The following CTDSPL2 variants were observed in gnomAD, a reference collection of about 807,000 sequenced individuals.
CTDSPL2 encodes CTD small phosphatase-like protein 2.
A neutral mutation model predicts 60.0 loss-of-function variants in CTDSPL2; 5 were observed. The observed-to-expected ratio is 0.08, with a 90% confidence interval of 0.04 to 0.18. CTDSPL2 has a LOEUF of 0.18. Among genes scored for constraint, CTDSPL2 ranks in the 10% least tolerant of loss-of-function variants. The pLI is 1.00. For missense variants in CTDSPL2, 370 were observed against 548.8 expected (o/e 0.67, Z 3.26); for synonymous variants, 186 against 189.3 (o/e 0.98, Z 0.14).
chr15:44,486,761 T>TG, intron 4 of CTDSPL2, 61 bp downstream of exon 4: 9 of 1,111,074 alleles, frequency 8.1e-6, no homozygotes, highest in Admixed American at 2.8e-5. Flanking sequence ...AGTTTGGGTT[T>TG]TTTTTTTTTT....
chr15:44,490,073 T>G (rs572999397), intron 4 of CTDSPL2, among the ~76,000 whole-genome samples: 1 of 152,326 alleles, frequency 6.6e-6, no homozygotes, highest in South Asian at 2.1e-4. Flanking sequence ...TTTTTTTTGT[T>G]ATTTTTGTTT....
chr15:44,441,619 G>T (rs1170280935), intron 1 of CTDSPL2, among the ~76,000 whole-genome samples: 4 of 152,084 alleles, frequency 2.6e-5, no homozygotes, highest in African/African-American at 9.7e-5. Flanking sequence ...TCTACCTCAG[G>T]TGAGCCCGTG....
chr15:44,520,083 C>T (rs2081735896), intron 11 of CTDSPL2: 1 of 151,444 alleles, frequency 6.6e-6, no homozygotes, highest in South Asian at 2.1e-4. Flanking sequence ...GATGAGTCAT[C>T]CTTTCAAGGT....
At chr15:44,467,963 T>A (rs571894816) in intron 2 of CTDSPL2, among the ~76,000 whole-genome samples, 276 of 152,300 alleles carry the variant, frequency 1.8e-3, no homozygotes, top group Middle Eastern at 3.4e-3. Flanking sequence ...GATTTTTTTT[T>A]AAGAATTTTT....
At chr15:44,461,570 TC>T (rs1241512306) in intron 2 of CTDSPL2, among the ~76,000 whole-genome samples, 4 of 138,782 alleles carry the variant, frequency 2.9e-5, no homozygotes, top group Non-Finnish European at 4.7e-5. Context: ...AAAGTTTCTC[TC>T]CCTTTTTTTT....
chr15:44,442,929 A>G (rs1227803057), intron 1 of CTDSPL2, among the ~76,000 whole-genome samples: 1 of 152,002 alleles, frequency 6.6e-6, no homozygotes, highest in East Asian at 1.9e-4. Flanking sequence ...GTAAGTGGTG[A>G]ACCTGCCGCT....
chr15:44,511,896 A>T (rs1037684041), intron 8 of CTDSPL2, among the ~76,000 whole-genome samples: 5 of 151,216 alleles, frequency 3.3e-5, no homozygotes, highest in Admixed American at 6.6e-5. Context: ...AAAAAAAGAA[A>T]ATCTGAAACT....
chr15:44,496,517 T>C (rs1207839123), intron 6 of CTDSPL2, 59 bp downstream of exon 6: 3 of 1,267,690 alleles, frequency 2.4e-6, no homozygotes, highest in Non-Finnish European at 3.4e-6. Flanking sequence ...GAGTACGTTA[T>C]ATATGTGGAT....
At chr15:44,445,273 G>T (rs983747003) in intron 1 of CTDSPL2, among the ~76,000 whole-genome samples, 1 of 151,362 alleles carries the variant, frequency 6.6e-6, no homozygotes, top group Non-Finnish European at 1.5e-5. Flanking sequence ...CTGCAGCTTC[G>T]ACTTCCCAGG....
intron 8 of CTDSPL2, among the ~76,000 whole-genome samples, chr15:44,506,521 G>A (rs1476088443): frequency 3.5e-5 from 5 of 143,478 alleles, no homozygotes; most frequent in East Asian, 4.2e-4. Context: ...GGCTCAAACC[G>A]TCTTCTCACC....
intron 1 of CTDSPL2, among the ~76,000 whole-genome samples, chr15:44,445,666 C>T (rs1183874160): frequency 6.7e-6 from 1 of 149,772 alleles, no homozygotes; most frequent in African/African-American, 2.5e-5. Flanking sequence ...GAGATGGAGT[C>T]TCGCACTGTC....
chr15:44,491,062 A>C (rs151090996), intron 5 of CTDSPL2, 63 bp downstream of exon 5: 1 of 1,303,838 alleles, frequency 7.7e-7, no homozygotes, highest in Non-Finnish European at 1.1e-6. Flanking sequence ...ACAGTATTTC[A>C]TATTTTTTCT....
rs2080965260 is a variant in CTDSPL2 at position 44,478,480 on chromosome 15, A to G, written c.187-5744A>G. Among the ~76,000 whole-genome samples the G allele has an allele frequency of 1.4e-5, 2 of 147,360 alleles. 1 individual carries two copies. Among genetic ancestry groups the G allele is most frequent in the South Asian group, 4.2e-4 (2 of 4,732 alleles). ...AAAAAAAAAAAAAAAAAAAAAAAAA[A>G]AAAGACTCATGAGAAGCATATTCTG... is the stretch of plus-strand genomic sequence containing the variant. On this transcript the variant is annotated intron_variant, in intron 2 of 12. Transcript: ENST00000260327.
chr15:44,443,530 G>A (rs1469439587), intron 1 of CTDSPL2, among the ~76,000 whole-genome samples: 3 of 151,988 alleles, frequency 2.0e-5, no homozygotes, highest in African/African-American at 7.3e-5. Flanking sequence ...TAAAGCGCAA[G>A]GATTCTAATT....
intron 2 of CTDSPL2, among the ~76,000 whole-genome samples, chr15:44,469,046 A>AC (rs780481864): frequency 1.3e-5 from 2 of 152,222 alleles, no homozygotes; most frequent in Non-Finnish European, 2.9e-5. Flanking sequence ...GCCCCAGAGT[A>AC]CAAGACTAGT....
chr15:44,479,085 A>AAC (rs1230315895), intron 2 of CTDSPL2, among the ~76,000 whole-genome samples: 3 of 152,216 alleles, frequency 2.0e-5, no homozygotes, highest in African/African-American at 7.2e-5. Context: ...AACAAAAAAA[A>AAC]AAAAACAAGT....
chr15:44,528,108 T>G lies in CTDSPL2; in HGVS notation c.*3934T>G, dbSNP rs918723025. 3 of 152,184 alleles carry G rather than the reference T, an allele frequency of 2.0e-5. No individual in the cohort carries two copies. Among genetic ancestry groups the G allele is most frequent in the African/African-American group, 7.2e-5 (3 of 41,442 alleles). The allele number at this position is 152,184 out of a possible 1,614,324, so 9.4% of individuals were successfully genotyped here. A position where few individuals can be genotyped will look rare whatever the true frequency, so the allele number is the denominator to read the frequency against. On this transcript the variant is annotated 3_prime_UTR_variant, in exon 13 of 13. Coordinates refer to ENST00000260327, the MANE Select transcript of CTDSPL2 (RefSeq NM_016396.3). ...ATTACTTGCCCAGAGGCAAGAGTTCTGGGGATATAACATGATTTGAGATCT... is the reference window on the plus strand; with the variant it reads ...ATTACTTGCCCAGAGGCAAGAGTTCGGGGGATATAACATGATTTGAGATCT...
intron 2 of CTDSPL2, among the ~76,000 whole-genome samples, chr15:44,469,687 C>T (rs1042215036): frequency 2.0e-5 from 3 of 151,978 alleles, no homozygotes; most frequent in Non-Finnish European, 2.9e-5. Flanking sequence ...TGTGATATTT[C>T]GGAGTTGTTC....
At chr15:44,449,582 C>T (rs1028664622) in intron 1 of CTDSPL2, among the ~76,000 whole-genome samples, 5 of 152,154 alleles carry the variant, frequency 3.3e-5, no homozygotes, top group Non-Finnish European at 7.3e-5. Context: ...CCGCCCACCT[C>T]GGCTTCCCAA....
Sources: gnomAD v4.1 joint callset for allele counts (sites outside exome capture counted in the v4.1 genomes callset) on GRCh38, gnomAD v4.1.1 for gene constraint, MANE v1.5 for transcripts, NCBI Gene and HGNC (gene_info 2026-07-23, HGNC 2026-07-21) for gene names.